Variants in NCOR1 observed in about 807,000 individuals in gnomAD.
NCOR1 encodes the protein protein phosphatase 1, regulatory subunit 109.
In NCOR1, 63 loss-of-function variants were observed where a neutral mutation model predicts 288.1. The observed-to-expected ratio is 0.22, with a 90% confidence interval of 0.18 to 0.27. The LOEUF (loss-of-function observed/expected upper bound fraction) is 0.27, where lower values mean the gene tolerates loss of function less well. Among genes scored for constraint, NCOR1 ranks in the 10% least tolerant of loss-of-function variants. NCOR1 has a pLI of 1.00. For missense variants in NCOR1, 2,397 were observed against 3,019.2 expected (o/e 0.79, Z 4.83); for synonymous variants, 1,007 against 1,065.9 (o/e 0.94, Z 1.08).
chr17:16,139,475 C>A (rs1357999516), intron 11 of NCOR1, among the ~76,000 whole-genome samples: 1 of 151,990 alleles, frequency 6.6e-6, no homozygotes, highest in Admixed American at 6.6e-5. Context: ...AAATTTTAGA[C>A]CTGGAAGATA....
In NCOR1 at chr17:16,098,239, T is replaced by G. The variant is rs1196815037; in HGVS notation, c.2820+128A>C. On this transcript the variant is annotated intron_variant, in intron 21 of 45. Coordinates refer to ENST00000268712, the MANE Select transcript of NCOR1 (RefSeq NM_006311.4). ...CTGTATACTTAGAATTGGTTACGAT[T>G]ATTAATTTCATGTTATGTTTTGTAC... 8.8e-6 allele frequency: 8 copies of G among 907,574 alleles called. No individual in the cohort carries two copies. The East Asian group carries it at 1.8e-4, about 21-fold the overall frequency. 56.2% of individuals were successfully genotyped at this position (907,574 alleles called of 1,614,324 possible).
chr17:16,130,510 T>TC (rs1860323889), intron 14 of NCOR1, among the ~76,000 whole-genome samples: 1 of 152,094 alleles, frequency 6.6e-6, no homozygotes, highest in South Asian at 2.1e-4. Flanking sequence ...TTCTTTAAAC[T>TC]CAATACTTGA....
chr17:16,045,644 G>C (rs1043228042), intron 42 of NCOR1, among the ~76,000 whole-genome samples: 12 of 152,032 alleles, frequency 7.9e-5, no homozygotes, highest in African/African-American at 2.7e-4. Flanking sequence ...GAGTAGCTGG[G>C]ATTACAGGTG....
At chr17:16,155,295 G>C (rs1426941729) in intron 6 of NCOR1, among the ~76,000 whole-genome samples, 1 of 148,758 alleles carries the variant, frequency 6.7e-6, no homozygotes, top group Admixed American at 6.8e-5. Context: ...AGGTTGCAGT[G>C]AGCCAAGATC....
At chr17:16,073,671 T>A in intron 27 of NCOR1, 102 bp from the exon 28 acceptor site, 3 of 968,814 alleles carry the variant, frequency 3.1e-6, no homozygotes, top group Non-Finnish European at 4.1e-6. Flanking sequence ...ATAATAATAT[T>A]AAAACTTGTC....
intron 1 of NCOR1, among the ~76,000 whole-genome samples, chr17:16,199,936 T>C (rs1050603290): frequency 1.3e-5 from 2 of 152,216 alleles, no homozygotes; most frequent in Admixed American, 6.5e-5. Context: ...CTCTTATATA[T>C]TGCAAACAGG....
intron 23 of NCOR1, among the ~76,000 whole-genome samples, chr17:16,083,735 G>A (rs1362246276): frequency 6.6e-6 from 1 of 152,070 alleles, no homozygotes; most frequent in Non-Finnish European, 1.5e-5. Context: ...TTATGCATAT[G>A]TTAAATGCTC....
chr17:16,060,620 CAG>C (rs1379951855), intron 37 of NCOR1, among the ~76,000 whole-genome samples: 1 of 152,112 alleles, frequency 6.6e-6, no homozygotes, highest in Non-Finnish European at 1.5e-5. Flanking sequence ...AGTGGATACT[CAG>C]AGATCAAAAG....
chr17:16,143,454 AAACCCTTT>A (rs1208660439), intron 11 of NCOR1, 144 bp downstream of exon 11: 1 of 593,974 alleles, frequency 1.7e-6, no homozygotes, highest in Non-Finnish European at 2.9e-6. Context: ...CCTCGTTTAA[AAACCCTTT>A]AACAGACACT....
At chr17:16,176,565 G>A (rs892042869) in intron 3 of NCOR1, among the ~76,000 whole-genome samples, 4 of 150,538 alleles carry the variant, frequency 2.7e-5, no homozygotes, top group South Asian at 2.1e-4. Flanking sequence ...CACCACGCCC[G>A]GCCTCTTTCA....
At chr17:16,160,821 C>G (rs2080698449) in intron 5 of NCOR1, among the ~76,000 whole-genome samples, 1 of 151,832 alleles carries the variant, frequency 6.6e-6, no homozygotes, top group Admixed American at 6.6e-5. Flanking sequence ...GAGTGACAGT[C>G]AAAGCTCCCA....
At chr17:16,071,756 A>C in intron 29 of NCOR1, 91 bp from the exon 30 acceptor site, 1 of 1,178,728 alleles carries the variant, frequency 8.5e-7, no homozygotes, top group Non-Finnish European at 1.2e-6. Context: ...TTAAAATGGT[A>C]AATTTTGTTA....
At chr17:16,201,350 G>A (rs1005977612) in intron 1 of NCOR1, among the ~76,000 whole-genome samples, 5 of 152,170 alleles carry the variant, frequency 3.3e-5, no homozygotes, top group Non-Finnish European at 7.3e-5. Context: ...TGTAATCCCA[G>A]CACTTTGGGA....
intron 15 of NCOR1, among the ~76,000 whole-genome samples, chr17:16,122,146 T>C (rs543165727): frequency 3.3e-5 from 5 of 152,328 alleles, no homozygotes; most frequent in South Asian, 4.1e-4. Context: ...TTCCTATTAA[T>C]AGCAACAGTA....
At chr17:16,171,667 CA>C in intron 4 of NCOR1, 135 bp downstream of exon 4, 1 of 779,044 alleles carries the variant, frequency 1.3e-6, no homozygotes, top group South Asian at 4.4e-5. Flanking sequence ...TTTTGTTTAA[CA>C]AAATTTTTAC....
chr17:16,186,545 C>A lies in NCOR1; in HGVS notation c.242+9G>T. 1 of 1,612,182 alleles carries A rather than the reference C, an allele frequency of 6.2e-7. No homozygotes were observed. Among genetic ancestry groups the A allele is most frequent in the Non-Finnish European group, 8.5e-7 (1 of 1,179,312 alleles). On this transcript the variant is annotated intron_variant, in intron 3 of 45. Coordinates refer to ENST00000268712, the MANE Select transcript of NCOR1 (RefSeq NM_006311.4). ...ATCCTAGATAGAAACATAAAAGAAA[C>A]CTCATTACCTGTCAGAACCTGGGTG...
chr17:16,092,158 G>T, intron 21 of NCOR1, 100 bp from the exon 22 acceptor site: 1 of 1,367,984 alleles, frequency 7.3e-7, no homozygotes, highest in Non-Finnish European at 1.0e-6. Context: ...GTTATTGGTT[G>T]AATTGATTTT....
chr17:16,098,561 A>T (rs1016564297), intron 20 of NCOR1, 65 bp from the exon 21 acceptor site: 3 of 1,444,892 alleles, frequency 2.1e-6, no homozygotes, highest in Non-Finnish European at 1.9e-6. Flanking sequence ...TATAATCACT[A>T]TAAGTTCTTC....
intron 3 of NCOR1, among the ~76,000 whole-genome samples, chr17:16,181,904 C>A (rs2085558690): frequency 6.6e-6 from 1 of 151,738 alleles, no homozygotes; most frequent in Non-Finnish European, 1.5e-5. Context: ...CATGTCAATA[C>A]TGAAAAAAGA....
Sources: gnomAD v4.1 joint callset for allele counts (sites outside exome capture counted in the v4.1 genomes callset) on GRCh38, gnomAD v4.1.1 for gene constraint, MANE v1.5 for transcripts, NCBI Gene and HGNC (gene_info 2026-07-23, HGNC 2026-07-21) for gene names.